SGMS2: variants seen among roughly 807,000 people sequenced by gnomAD.
SGMS2 encodes the protein sphingomyelin synthase 2.
A neutral mutation model predicts 43.8 loss-of-function variants in SGMS2; 21 were observed. The ratio of observed to expected loss-of-function variants is 0.48; its 90% confidence interval spans 0.34 to 0.69. The LOEUF is 0.69. Among genes scored for constraint, SGMS2 ranks in the 30% least tolerant of loss-of-function variants. The probability of loss-of-function intolerance (pLI) is 0.01; values close to 1 mark genes in which losing one functional copy is unlikely to be tolerated. For missense variants in SGMS2, 384 were observed against 443.2 expected (o/e 0.87, Z 1.20); for synonymous variants, 167 against 160.6 (o/e 1.04, Z -0.30).
chr4:107,895,023 G>A (rs927760740), intron 2 of SGMS2, among the ~76,000 whole-genome samples: 1 of 152,108 alleles, frequency 6.6e-6, no homozygotes, highest in Admixed American at 6.6e-5. Flanking sequence ...TGAAGTGTTT[G>A]CAATGTTAGG....
At chr4:107,888,613 ATTATTT>A (rs1361043256) in intron 2 of SGMS2, among the ~76,000 whole-genome samples, 1 of 152,052 alleles carries the variant, frequency 6.6e-6, no homozygotes, top group African/African-American at 2.4e-5. Context: ...CAAAAAAAAA[ATTATTT>A]TTATAACTTT....
chr4:107,889,520 G>A (rs1338372138), intron 2 of SGMS2, among the ~76,000 whole-genome samples: 2 of 152,026 alleles, frequency 1.3e-5, no homozygotes, highest in African/African-American at 4.8e-5. Context: ...TAAACTATTT[G>A]ATTCAAGTGC....
chr4:107,837,923 G>A (rs1726285172), intron 1 of SGMS2, among the ~76,000 whole-genome samples: 1 of 152,148 alleles, frequency 6.6e-6, no homozygotes, highest in Admixed American at 6.5e-5. Flanking sequence ...GTGTAGTTTA[G>A]CCATTGATTA....
At chr4:107,878,151 C>T (rs1263571571) in intron 2 of SGMS2, among the ~76,000 whole-genome samples, 7 of 152,114 alleles carry the variant, frequency 4.6e-5, no homozygotes, top group Non-Finnish European at 7.4e-5. Context: ...CCTGACCTCA[C>T]GATCCACCCA....
chr4:107,895,646 TGAA>T lies in SGMS2; in HGVS notation c.100_102del (p.Glu34del). The T allele has an allele frequency of 6.2e-7, 1 of 1,613,980 alleles. No individual in the cohort carries two copies. Among genetic ancestry groups the T allele is most frequent in the African/African-American group, 1.3e-5 (1 of 75,026 alleles). ...CTTATGCAAGACCCGCTGAACCTGTTGAAGAAGAAAACAAAAATGGCAATGGTA... is the reference window on the plus strand; with the variant it reads ...CTTATGCAAGACCCGCTGAACCTGTTGAAGAAAACAAAAATGGCAATGGTA... On this transcript the variant is annotated inframe_deletion, in exon 3 of 7. Transcript: ENST00000690982.
At position 107,913,520 on chromosome 4, in the gene SGMS2, T is replaced by C. The variant is rs1732257179; in HGVS notation, c.*2967T>C. The C allele has an allele frequency of 6.6e-6, 1 of 152,220 alleles. No homozygotes were observed. The highest frequency in any genetic ancestry group is 1.9e-4 in the East Asian group (1 of 5,200). 9.4% of individuals were successfully genotyped at this position (152,220 alleles called of 1,614,324 possible). ...TGGCAATATACTTTATGACTTGGAA[T>C]GCAAACACCACTTTTAAAAGCCTGT... On this transcript the variant is annotated 3_prime_UTR_variant, in exon 7 of 7. Transcript: ENST00000690982.
chr4:107,834,901 G>A (rs1285355119), intron 1 of SGMS2, among the ~76,000 whole-genome samples: 1 of 152,162 alleles, frequency 6.6e-6, no homozygotes, highest in Admixed American at 6.5e-5. Flanking sequence ...CAGGTGTAGT[G>A]GCACACACAT....
At chr4:107,850,207 G>T (rs556180988) in intron 1 of SGMS2, among the ~76,000 whole-genome samples, 2 of 152,114 alleles carry the variant, frequency 1.3e-5, no homozygotes, top group Non-Finnish European at 1.5e-5. Context: ...GTTTCCTGAG[G>T]CTTCCTGAGA....
intron 6 of SGMS2, 77 bp from the exon 7 acceptor site, chr4:107,910,273 A>G (rs1732007452): frequency 1.6e-6 from 2 of 1,248,510 alleles, no homozygotes; most frequent in South Asian, 2.6e-5. Context: ...GTTACAGTGA[A>G]TGACAATTTA....
At chr4:107,895,080 T>G (rs1460796485) in intron 2 of SGMS2, among the ~76,000 whole-genome samples, 1 of 152,230 alleles carries the variant, frequency 6.6e-6, no homozygotes, top group Non-Finnish European at 1.5e-5. Context: ...ATTGTTAAAA[T>G]GTTCCTATTT....
chr4:107,894,872 A>C (rs1730533113), intron 2 of SGMS2, among the ~76,000 whole-genome samples: 1 of 152,172 alleles, frequency 6.6e-6, no homozygotes, highest in Non-Finnish European at 1.5e-5. Context: ...ACAATTATTC[A>C]ATGCATATAA....
intron 2 of SGMS2, among the ~76,000 whole-genome samples, chr4:107,866,262 C>A (rs1357169346): frequency 6.6e-6 from 1 of 151,986 alleles, no homozygotes; most frequent in African/African-American, 2.4e-5. Flanking sequence ...AATAAAAATA[C>A]CAAGTTAAAA....
chr4:107,875,756 A>G (rs2126067848), intron 2 of SGMS2, among the ~76,000 whole-genome samples: 1 of 152,320 alleles, frequency 6.6e-6, no homozygotes, highest in South Asian at 2.1e-4. Flanking sequence ...TTATTACTTC[A>G]TTTGTGGAAC....
At chr4:107,868,195 G>T (rs78362130) in intron 2 of SGMS2, among the ~76,000 whole-genome samples, 1,709 of 152,158 alleles carry the variant, frequency 0.011, 42 homozygotes, top group African/African-American at 0.04. Context: ...ATTGTTAAAG[G>T]CTTGGAGAAA....
intron 2 of SGMS2, among the ~76,000 whole-genome samples, chr4:107,883,217 C>T (rs569633896): frequency 2.8e-4 from 42 of 152,280 alleles, no homozygotes; most frequent in African/African-American, 1.0e-3. Context: ...AAGTATCGAT[C>T]ACATGGCCTT....
intron 2 of SGMS2, chr4:107,867,141 C>T (rs73838256): frequency 6.6e-6 from 1 of 152,248 alleles, no homozygotes; most frequent in African/African-American, 2.4e-5. Flanking sequence ...CATGGCCTCC[C>T]CAAGACTCTC....
rs546849157 is a variant in SGMS2, at chr4:107,905,208, T to C, written c.727+1822T>C. On this transcript the variant is annotated intron_variant, in intron 5 of 6. Coordinates refer to ENST00000690982, the MANE Select transcript of SGMS2 (RefSeq NM_001375905.1). The stretch of plus-strand genomic sequence containing the variant: ...CGTGGCTGAGGAGGCCTCACAATCA[T>C]GGTGGAAGGCAAAAGGCATGTTTTA... Among the ~76,000 whole-genome samples the C allele has an allele frequency of 3.3e-5, 5 of 152,262 alleles. No individual in the cohort carries two copies. The South Asian group carries it at 8.3e-4, about 25-fold the overall frequency.
chr4:107,861,114 A>G (rs966960845), intron 2 of SGMS2, among the ~76,000 whole-genome samples: 4 of 152,152 alleles, frequency 2.6e-5, no homozygotes, highest in African/African-American at 2.4e-5. Flanking sequence ...GTTTAAATAC[A>G]TTTTCGAAAG....
intron 4 of SGMS2, 100 bp downstream of exon 4, chr4:107,899,792 G>T: frequency 1.6e-6 from 1 of 615,536 alleles, no homozygotes; most frequent in Non-Finnish European, 2.7e-6. Context: ...CTATGTGTTA[G>T]CTGAAATCTA....
Sources: allele counts gnomAD v4.1 joint callset (sites outside exome capture counted in the v4.1 genomes callset), GRCh38; gene constraint gnomAD v4.1.1; transcripts MANE v1.5; gene names NCBI Gene and HGNC (gene_info 2026-07-23, HGNC 2026-07-21).